Variants in CPNE4 observed in about 807,000 individuals in gnomAD.
The protein encoded by CPNE4 is copine-4.
A neutral mutation model predicts 67.9 loss-of-function variants in CPNE4; 25 were observed. The ratio of observed to expected loss-of-function variants is 0.37; its 90% CI spans 0.27 to 0.51. CPNE4 has a LOEUF of 0.51. Among genes scored for constraint, CPNE4 ranks in the 20% least tolerant of loss-of-function variants. The pLI is 0.93. For missense variants in CPNE4, 464 were observed against 690.8 expected, an observed-to-expected ratio of 0.67 and a Z score of 3.68; for synonymous variants, 242 against 244.9, an observed-to-expected ratio of 0.99 and a Z score of 0.11.
chr3:131,977,437 C>T (rs181904444), intron 1 of CPNE4, among the ~76,000 whole-genome samples: 3 of 152,202 alleles, frequency 2.0e-5, no homozygotes, highest in East Asian at 3.9e-4. Flanking sequence ...GACACTCATA[C>T]CTCAATTAGA....
rs1203835879 is a variant in CPNE4 at position 131,942,484 on chromosome 3, G to C, written c.-1-37040C>G. 7.8e-5 allele frequency among the ~76,000 whole-genome samples: 8 copies of C among 103,146 alleles called. 1 individual carries two copies. The highest frequency in any genetic ancestry group is 1.2e-4 in the Non-Finnish European group (6 of 51,200). The allele number at this position is 103,146 out of a possible 152,430, so 67.7% of individuals were successfully genotyped here. ...TGTGTGAGAGAGAGAGAGAGAGAGA[G>C]AGAGAGAGAGAGAGAGAGAGAGAGA... On this transcript the variant is annotated intron_variant, in intron 1 of 15. Coordinates refer to ENST00000429747, the MANE Select transcript of CPNE4 (RefSeq NM_130808.3).
At chr3:131,598,604 C>T (rs1939024573) in intron 7 of CPNE4, among the ~76,000 whole-genome samples, 1 of 152,136 alleles carries the variant, frequency 6.6e-6, no homozygotes, top group Admixed American at 6.6e-5. Flanking sequence ...TATTCCAAAA[C>T]ACAGAGCTAG....
intron 2 of CPNE4, among the ~76,000 whole-genome samples, chr3:131,826,712 T>C (rs1003352147): frequency 2.0e-5 from 3 of 152,150 alleles, no homozygotes; most frequent in South Asian, 2.1e-4. Flanking sequence ...AATCCTCTTA[T>C]AGGATTCAGA....
At chr3:131,890,148 G>A (rs1441794452) in intron 2 of CPNE4, among the ~76,000 whole-genome samples, 1 of 151,766 alleles carries the variant, frequency 6.6e-6, no homozygotes, top group Non-Finnish European at 1.5e-5. Flanking sequence ...ACTGAAAAGG[G>A]AATCTATGAT....
intron 7 of CPNE4, among the ~76,000 whole-genome samples, chr3:131,599,836 TC>T (rs1285940898): frequency 6.6e-6 from 1 of 152,184 alleles, no homozygotes; most frequent in Non-Finnish European, 1.5e-5. Context: ...CTCAGGTTTG[TC>T]CCCAGGCTCT....
At chr3:131,898,586 A>G (rs1436316974) in intron 2 of CPNE4, among the ~76,000 whole-genome samples, 1 of 152,084 alleles carries the variant, frequency 6.6e-6, no homozygotes, top group African/African-American at 2.4e-5. Flanking sequence ...TATGACACTG[A>G]AAATGTTGAG....
At chr3:131,872,851 G>T (rs1243909360) in intron 2 of CPNE4, among the ~76,000 whole-genome samples, 3 of 152,186 alleles carry the variant, frequency 2.0e-5, no homozygotes, top group African/African-American at 7.2e-5. Context: ...ACACATGTGA[G>T]TGAATGACCC....
At chr3:131,897,621 C>T (rs1439959325) in intron 2 of CPNE4, among the ~76,000 whole-genome samples, 1 of 152,032 alleles carries the variant, frequency 6.6e-6, no homozygotes, top group African/African-American at 2.4e-5. Context: ...ATAGGCTGGA[C>T]ACAGTGGCTC....
intron 2 of CPNE4, among the ~76,000 whole-genome samples, chr3:131,744,880 G>C (rs1052174301): frequency 6.6e-6 from 1 of 152,122 alleles, no homozygotes; most frequent in Non-Finnish European, 1.5e-5. Context: ...TGCAGATGGG[G>C]GGTGTTATAA....
At chr3:131,942,463 T>A (rs11919245) in intron 1 of CPNE4, among the ~76,000 whole-genome samples, 2,414 of 69,080 alleles carry the variant, frequency 0.035, 93 homozygotes, top group Non-Finnish European at 0.049. Flanking sequence ...TGTGTGTGTG[T>A]GAGAGAGAGA....
intron 1 of CPNE4, among the ~76,000 whole-genome samples, chr3:131,992,363 A>G (rs1313776161): frequency 7.3e-6 from 1 of 136,648 alleles, no homozygotes; most frequent in Non-Finnish European, 1.7e-5. Context: ...AAAGGGGATC[A>G]TTTCGGAATT....
In CPNE4 at chr3:131,967,787, T is replaced by A. The variant is rs575789658; in HGVS notation, c.-1-62343A>T. On this transcript the variant is annotated intron_variant, in intron 1 of 15. Coordinates refer to ENST00000429747, the MANE Select transcript of CPNE4 (RefSeq NM_130808.3). ...GTGAAAATGGCCATATTGCCCAAAG[T>A]AATTTATAGATTCAATGCTGTTTCC... 1.6e-4 allele frequency among the ~76,000 whole-genome samples: 25 copies of A among 152,310 alleles called. No individual in the cohort carries two copies. The East Asian group carries it at 4.8e-3, about 29-fold the overall frequency.
chr3:131,868,920 C>A (rs1435879813), intron 2 of CPNE4, among the ~76,000 whole-genome samples: 3 of 152,094 alleles, frequency 2.0e-5, no homozygotes, highest in Admixed American at 2.0e-4. Flanking sequence ...GTAAAGGACT[C>A]ATATTCTCCC....
intron 1 of CPNE4, among the ~76,000 whole-genome samples, chr3:131,951,593 T>C (rs1035285105): frequency 1.4e-5 from 2 of 142,348 alleles, no homozygotes; most frequent in African/African-American, 6.2e-5. Context: ...TCTCTTTCCA[T>C]GGTCTCCCTC....
intron 10 of CPNE4, among the ~76,000 whole-genome samples, chr3:131,571,451 G>A (rs919315677): frequency 3.3e-5 from 5 of 151,984 alleles, no homozygotes; most frequent in African/African-American, 9.7e-5. Context: ...TACCTCTGAC[G>A]TGTCCAAAGC....
chr3:131,599,021 C>T (rs1398952465), intron 7 of CPNE4, among the ~76,000 whole-genome samples: 2 of 152,156 alleles, frequency 1.3e-5, no homozygotes, highest in Admixed American at 6.5e-5. Flanking sequence ...AGTCTTCTAA[C>T]TGTAGCTTTT....
At chr3:131,864,663 T>C (rs2086854708) in intron 2 of CPNE4, among the ~76,000 whole-genome samples, 2 of 152,050 alleles carry the variant, frequency 1.3e-5, no homozygotes, top group Non-Finnish European at 1.5e-5. Flanking sequence ...CAGGGACAAT[T>C]TGACTTCCTC....
chr3:131,822,171 T>C (rs2084985643), intron 2 of CPNE4, among the ~76,000 whole-genome samples: 1 of 152,226 alleles, frequency 6.6e-6, no homozygotes, highest in South Asian at 2.1e-4. Flanking sequence ...TAAAATTTTT[T>C]TTCAAGTTTG....
chr3:131,760,745 A>G (rs533206906), intron 2 of CPNE4, among the ~76,000 whole-genome samples: 1 of 152,322 alleles, frequency 6.6e-6, no homozygotes, highest in East Asian at 1.9e-4. Context: ...TTCATTCCCC[A>G]AAACACTTAA....
Sources: gnomAD v4.1 joint callset for allele counts (sites outside exome capture counted in the v4.1 genomes callset) on GRCh38, gnomAD v4.1.1 for gene constraint, MANE v1.5 for transcripts, NCBI Gene and HGNC (gene_info 2026-07-23, HGNC 2026-07-21) for gene names.